Variants in PLA2G6 observed in about 807,000 individuals in gnomAD.
PLA2G6 encodes the protein 85/88 kDa calcium-independent phospholipase A2.
A neutral mutation model predicts 83.8 loss-of-function variants in PLA2G6; 62 were observed. That is an observed-to-expected ratio of 0.74 (90% CI 0.60 to 0.91). The LOEUF (loss-of-function observed/expected upper bound fraction) is 0.91, where lower values mean the gene tolerates loss of function less well. Among genes scored for constraint, PLA2G6 ranks in the 40% least tolerant of loss-of-function variants. The probability of loss-of-function intolerance (pLI) is 0.00; values close to 1 mark genes in which losing one functional copy is unlikely to be tolerated. For missense variants in PLA2G6, 944 were observed against 1,102.0 expected (o/e 0.86, Z 2.03); for synonymous variants, 417 against 449.8 (o/e 0.93, Z 0.92).
chr22:38,112,376 G>T, intron 16 of PLA2G6, 71 bp from the exon 17 acceptor site: 1 of 1,566,148 alleles, frequency 6.4e-7, no homozygotes, highest in Non-Finnish European at 8.7e-7. Context: ...GCTAGGACCA[G>T]GGTGGGCTTG....
intron 7 of PLA2G6, 115 bp from the exon 8 acceptor site, chr22:38,129,677 C>G: frequency 1.3e-6 from 1 of 755,150 alleles, no homozygotes. Flanking sequence ...CTCCTCAGCA[C>G]GGGGAGACAC....
In PLA2G6 at chr22:38,128,545, G is replaced by A; in HGVS notation, c.1187-115C>T. ...CCCTGTCCCAGCTCCCAGGCCCTGG[G>A]CACGTGGGCTGCTCCAGAGGCCTCA... is the stretch of plus-strand genomic sequence containing the variant. On this transcript the variant is annotated intron_variant, in intron 8 of 16. Transcript: ENST00000332509. This position sits in a 1 kb window ranked among gnomAD's most constrained non-coding sequence, Gnocchi z 4.4. 4.2e-6 allele frequency: 5 copies of A among 1,179,184 alleles called. No individual in the cohort carries two copies. Among genetic ancestry groups the A allele is most frequent in the Non-Finnish European group, 6.1e-6 (5 of 822,368 alleles). The allele number at this position is 1,179,184 out of a possible 1,614,324, so 73.0% of individuals were successfully genotyped here. A position where few individuals can be genotyped will look rare whatever the true frequency, so the allele number is the denominator to read the frequency against.
At chr22:38,129,781 A>G (rs767024328) in intron 7 of PLA2G6, among the ~76,000 whole-genome samples, 1 of 152,136 alleles carries the variant, frequency 6.6e-6, no homozygotes, top group Non-Finnish European at 1.5e-5. Flanking sequence ...AAAAGCACCC[A>G]CAGGGGAGGG....
chr22:38,142,712 G>C, intron 4 of PLA2G6: 1 of 339,480 alleles, frequency 2.9e-6, no homozygotes, highest in Non-Finnish European at 5.8e-6. Flanking sequence ...GCAGCCTGCA[G>C]GGCCACAGAT....
chr22:38,150,595 A>T (rs1160368408), intron 2 of PLA2G6: 1 of 152,274 alleles, frequency 6.6e-6, no homozygotes, highest in Non-Finnish European at 1.5e-5. Flanking sequence ...TATGTTGCAC[A>T]ATATGTATTG....
intron 5 of PLA2G6, chr22:38,135,310 A>G: frequency 1.8e-6 from 1 of 555,274 alleles, no homozygotes; most frequent in East Asian, 3.1e-5. Context: ...ACCAGCAATG[A>G]TCACCCTCCC....
At chr22:38,127,074 GAC>G (rs1159731677) in intron 9 of PLA2G6, 1 of 1,102,372 alleles carries the variant, frequency 9.1e-7, no homozygotes, top group African/African-American at 1.6e-5. Flanking sequence ...CCACCCAACT[GAC>G]TAGCTGCCCC....
chr22:38,163,942 A>G (rs553080909), intron 2 of PLA2G6, among the ~76,000 whole-genome samples: 1 of 152,040 alleles, frequency 6.6e-6, no homozygotes, highest in Non-Finnish European at 1.5e-5. Context: ...CAGTCCAGAG[A>G]GCCTCAAAAG....
chr22:38,159,023 A>C (rs1280475209), intron 2 of PLA2G6, among the ~76,000 whole-genome samples: 1 of 143,894 alleles, frequency 6.9e-6, no homozygotes, highest in Non-Finnish European at 1.5e-5. Context: ...ATATGGTGAA[A>C]CCCCACCTCT....
intron 7 of PLA2G6, chr22:38,131,863 T>G (rs1602131426): frequency 3.5e-6 from 1 of 288,532 alleles, no homozygotes; most frequent in East Asian, 1.2e-4. Context: ...CCAAGGCGGG[T>G]GGATCATGAG....
chr22:38,149,801 G>A (rs5756930), intron 2 of PLA2G6: 54,804 of 151,700 alleles, frequency 0.36, 10,110 homozygotes, highest in South Asian at 0.48. Context: ...CGGGCGTGGC[G>A]GTGGGTGCCT....
chr22:38,170,903 G>A (rs1213555355), intron 1 of PLA2G6, among the ~76,000 whole-genome samples: 1 of 152,190 alleles, frequency 6.6e-6, no homozygotes. Context: ...AGGCACGGTG[G>A]TTCACGCCTG....
intron 2 of PLA2G6, among the ~76,000 whole-genome samples, chr22:38,152,048 C>T (rs952919707): frequency 3.3e-5 from 5 of 152,132 alleles, no homozygotes; most frequent in Non-Finnish European, 7.3e-5. Context: ...TTCTGCCCCC[C>T]AAACCTCATG....
intron 5 of PLA2G6, chr22:38,136,104 G>T (rs2088537676): frequency 6.6e-6 from 1 of 152,176 alleles, no homozygotes; most frequent in South Asian, 2.1e-4. Flanking sequence ...TCACTGATAC[G>T]AGGTTCTAGA....
rs775075021 is a variant in PLA2G6, at chr22:38,145,585, G to T, written c.278C>A (p.Pro93His). 2.5e-6 allele frequency: 4 copies of T among 1,613,882 alleles called. No homozygotes were observed. The East Asian group carries it at 6.7e-5, about 27-fold the overall frequency. The change falls in exon 3 of 17, where the codon CCC becomes CAC. Residue 93 changes from proline (P) to histidine (H), a missense_variant. By Grantham distance (77) the Pro-to-His change is moderately conservative. Transcript: ENST00000332509. The stretch of plus-strand genomic sequence containing the variant: ...GACCTGAGGGGAGCTCTCATAGAAG[G>T]GTAGCAGCTGGGAAGAATACTGATG... ...NFHQYSSQLL[P>H]FYESSPQVLH... is the part of the protein sequence containing the mutation.
chr22:38,181,508 G>A (rs2277844), intron 1 of PLA2G6, among the ~76,000 whole-genome samples, 156 bp downstream of exon 1: 80,931 of 151,700 alleles, frequency 0.53, 22,005 homozygotes, highest in East Asian at 0.74. Flanking sequence ...CTGGGGTTCA[G>A]GGGAGAAACT....
chr22:38,123,259 C>T lies in PLA2G6; in HGVS notation c.1428-1G>A. On this transcript the variant is annotated splice_acceptor_variant, in intron 10 of 16. Coordinates refer to ENST00000332509, the MANE Select transcript of PLA2G6 (RefSeq NM_003560.4). LOFTEE classifies it high-confidence loss of function. This position sits in a 1 kb window ranked among gnomAD's most constrained non-coding sequence, Gnocchi z 4.1. ...ATCCAGGCACAGCAGGTGGTCGTGG[C>T]TGCAGTGGGAACAGCAGTGGGAGAG... 1 of 1,558,432 alleles carries T rather than the reference C, an allele frequency of 6.4e-7. No homozygotes were observed. The highest frequency in any genetic ancestry group is 8.7e-7 in the Non-Finnish European group (1 of 1,150,792).
chr22:38,171,808 G>A (rs2090448715), intron 1 of PLA2G6, among the ~76,000 whole-genome samples: 1 of 148,586 alleles, frequency 6.7e-6, no homozygotes, highest in Admixed American at 6.7e-5. Context: ...GTGACAGAGT[G>A]AAGACTCCGT....
Position 38,117,300 on chromosome 22 carries a change from G to A in PLA2G6, c.1743-1089C>T, listed in dbSNP as rs184834907. 3.1e-3 allele frequency among the ~76,000 whole-genome samples: 476 copies of A among 152,142 alleles called. 2 individuals carry two copies. Among genetic ancestry groups the A allele is most frequent in the African/African-American group, 0.011 (464 of 41,526 alleles). Reference sequence around the variant, plus strand: ...CGGCTCACTGCAAGATCTGCCTCCCGGGTTCACGCCATTCTCCTGCCTCAG... The same window carrying A: ...CGGCTCACTGCAAGATCTGCCTCCCAGGTTCACGCCATTCTCCTGCCTCAG... On this transcript the variant is annotated intron_variant, in intron 12 of 16. Transcript: ENST00000332509.
Sources: gnomAD v4.1 joint callset for allele counts (sites outside exome capture counted in the v4.1 genomes callset) on GRCh38, gnomAD v4.1.1 for gene constraint, Gnocchi (gnomAD v3.1) non-coding constraint, MANE v1.5 for transcripts, NCBI Gene and HGNC (gene_info 2026-07-23, HGNC 2026-07-21) for gene names.